The following NAV3 variants were observed in gnomAD, a reference collection of about 807,000 sequenced individuals.
NAV3 encodes neuron navigator 3.
In NAV3, 87 loss-of-function variants were observed where a neutral mutation model predicts 244.7. The ratio of observed to expected loss-of-function variants is 0.36; its 90% CI spans 0.30 to 0.42. The LOEUF is 0.42. Among genes scored for constraint, NAV3 ranks in the 20% least tolerant of loss-of-function variants. The probability of loss-of-function intolerance (pLI) is 1.00; values close to 1 mark genes in which losing one functional copy is unlikely to be tolerated. For missense variants in NAV3, 2,663 were observed against 2,893.3 expected (o/e 0.92, Z 1.83); for synonymous variants, 1,126 against 1,042.2 (o/e 1.08, Z -1.55).
intron 5 of NAV3, among the ~76,000 whole-genome samples, chr12:77,977,712 G>GTGCA (rs1555248348): frequency 3.5e-5 from 5 of 143,084 alleles, no homozygotes; most frequent in South Asian, 4.4e-4. Flanking sequence ...ACACACACGC[G>GTGCA]CACACACACA....
In NAV3 at chr12:78,122,334, C is replaced by T. The variant is rs768963322; in HGVS notation, c.4144C>T (p.His1382Tyr). ...SSESIDLPLS[H>Y]HGSLSGLTTG... ...TGAGTCCATTGACCTCCCCCTCAGC[C>T]ATCATGGCTCCTTGTCTGGACTGAC... Residue 1382 changes from histidine to tyrosine, a missense_variant, in exon 16 of 40, where the codon CAT (histidine) becomes TAT (tyrosine). By Grantham distance (83) the His-to-Tyr change is moderately conservative (BLOSUM62 2). Transcript: ENST00000397909. The T allele has an allele frequency of 2.5e-6, 4 of 1,614,136 alleles. No individual in the cohort carries two copies. The highest frequency in any genetic ancestry group is 3.3e-5 in the Admixed American group (2 of 60,036).
chr12:77,796,758 A>G (rs1871425035), intron 2 of NAV3, among the ~76,000 whole-genome samples: 1 of 152,198 alleles, frequency 6.6e-6, no homozygotes, highest in South Asian at 2.1e-4. Context: ...ATACTGAGGC[A>G]CGACTTTATA....
rs1018454973 is a variant in NAV3 at position 78,179,544 on chromosome 12, A to G, written c.5379A>G (p.Thr1793=). 1.9e-6 allele frequency: 3 copies of G among 1,613,272 alleles called. No homozygotes were observed. Among genetic ancestry groups the G allele is most frequent in the African/African-American group, 1.3e-5 (1 of 74,996 alleles). The part of the protein sequence containing the change: ...YKHRSRICEC[T]EAEAEIILQL... ...CCTTCTTCAGGATCTGTGAATGCAC[A>G]GAAGCTGAGGCAGAGATAATTCTGC... Residue 1793 remains threonine (T), a synonymous_variant, in exon 29 of 40, where the codon ACA becomes ACG. Coordinates refer to ENST00000397909, the MANE Select transcript of NAV3 (RefSeq NM_001024383.2).
chr12:77,785,981 C>A (rs1592681581), intron 2 of NAV3, among the ~76,000 whole-genome samples: 1 of 152,106 alleles, frequency 6.6e-6, no homozygotes, highest in Non-Finnish European at 1.5e-5. Flanking sequence ...TTAGCAGGAG[C>A]TGAGTGATCT....
chr12:77,998,361 T>C lies in NAV3; in HGVS notation c.765T>C (p.Pro255=). The C allele has an allele frequency of 6.3e-7, 1 of 1,598,884 alleles. No homozygotes were observed. Among genetic ancestry groups the C allele is most frequent in the Non-Finnish European group, 8.5e-7 (1 of 1,173,322 alleles). Residue 255 remains proline (P), a synonymous_variant, in exon 7 of 40, where the codon CCT becomes CCC. Transcript: ENST00000397909. The stretch of plus-strand genomic sequence containing the variant: ...GGCTTCCAGGGCCCTCTAGGGTGCC[T>C]GCTGCAGGAAGCAGCAGCAAGGTCC... ...PTRLPGPSRV[P]AAGSSSKVQG... is the part of the protein sequence containing the mutation.
chr12:78,121,363 TACAG>T (rs566671321), intron 15 of NAV3, among the ~76,000 whole-genome samples: 32 of 152,194 alleles, frequency 2.1e-4, no homozygotes, highest in African/African-American at 7.2e-4. Context: ...CTGGGGAAAA[TACAG>T]ACAAACTGAC....
At chr12:77,808,967 T>A (rs1045652663) in intron 2 of NAV3, among the ~76,000 whole-genome samples, 1 of 152,180 alleles carries the variant, frequency 6.6e-6, no homozygotes, top group African/African-American at 2.4e-5. Context: ...TGGCTTTTTT[T>A]ACACTGTGAG....
At chr12:77,585,703 G>A (rs1169257115) in intron 2 of NAV3, among the ~76,000 whole-genome samples, 1 of 152,158 alleles carries the variant, frequency 6.6e-6, no homozygotes, top group African/African-American at 2.4e-5. Context: ...TGATCGGGCA[G>A]TAATGCTCCT....
chr12:78,202,358 T>G (rs1168140424), intron 38 of NAV3, among the ~76,000 whole-genome samples: 1 of 152,104 alleles, frequency 6.6e-6, no homozygotes, highest in Non-Finnish European at 1.5e-5. Flanking sequence ...AATAAAATTC[T>G]CCTCATTTAA....
chr12:77,696,926 C>T (rs1303975888), intron 2 of NAV3, among the ~76,000 whole-genome samples: 4 of 152,138 alleles, frequency 2.6e-5, no homozygotes, highest in African/African-American at 9.7e-5. Flanking sequence ...TCTTACGCTT[C>T]TATAGCAGTA....
At chr12:77,616,981 G>T (rs1042871575) in intron 2 of NAV3, among the ~76,000 whole-genome samples, 1 of 151,974 alleles carries the variant, frequency 6.6e-6, no homozygotes, top group Admixed American at 6.6e-5. Context: ...AATAGAATTC[G>T]CTATAGCATT....
intron 2 of NAV3, among the ~76,000 whole-genome samples, chr12:77,594,155 A>G (rs1219203962): frequency 2.0e-5 from 3 of 152,298 alleles, no homozygotes; most frequent in African/African-American, 2.4e-5. Context: ...AATTATGGAT[A>G]TTATCTCACA....
intron 1 of NAV3, among the ~76,000 whole-genome samples, chr12:77,919,886 C>T (rs1272224795): frequency 6.6e-6 from 1 of 151,908 alleles, no homozygotes; most frequent in African/African-American, 2.4e-5. Flanking sequence ...GACCTTTTGT[C>T]ACTGTGGGAG....
At position 77,669,895 on chromosome 12, in the gene NAV3, T is replaced by C. The variant is rs1237227740; in HGVS notation, c.72+97629T>C. 2.6e-5 allele frequency among the ~76,000 whole-genome samples: 4 copies of C among 151,912 alleles called. No individual in the cohort carries two copies. The East Asian group carries it at 7.7e-4, about 29-fold the overall frequency. ...CTACCCAACAACTGCAGAATATACA[T>C]TCTATTCAAGAACAATCCAAACCCA... On this transcript the variant is annotated intron_variant, in intron 2 of 8. Transcript: ENST00000550042.
chr12:77,654,270 C>A (rs139040016), intron 2 of NAV3, among the ~76,000 whole-genome samples: 10 of 152,222 alleles, frequency 6.6e-5, no homozygotes, highest in African/African-American at 2.4e-4. Context: ...GCTTTTCCGA[C>A]GGGCTTAAAA....
rs146256471 is a variant in NAV3 at position 78,094,690 on chromosome 12, G to A, written c.2637-22082G>A. Among the ~76,000 whole-genome samples the A allele has an allele frequency of 2.0e-3, 308 of 151,944 alleles. 1 individual carries two copies. The highest frequency in any genetic ancestry group is 6.8e-3 in the Middle Eastern group (2 of 292). ...AACGGTGAAGATATTTTTAATTACC[G>A]GGTTATAAATCCAAAACAAATAATA... On this transcript the variant is annotated intron_variant, in intron 12 of 39. Transcript: ENST00000397909.
rs149183720 is a variant in NAV3 at position 78,065,162 on chromosome 12, C to T, written c.2636+6047C>T. ...ACCGAGATAGAGCTGGTGATGATAC[C>T]ACCTGTGCAGAGTGAAAATTCCACC... On this transcript the variant is annotated intron_variant, in intron 12 of 39. Coordinates refer to ENST00000397909, the MANE Select transcript of NAV3 (RefSeq NM_001024383.2). Among the ~76,000 whole-genome samples the T allele has an allele frequency of 2.0e-5, 3 of 151,552 alleles. No homozygotes were observed. In the East Asian group the frequency reaches 5.9e-4, roughly 30 times the overall value.
intron 18 of NAV3, among the ~76,000 whole-genome samples, chr12:78,132,201 C>G (rs1051758264): frequency 1.3e-5 from 2 of 149,470 alleles, no homozygotes; most frequent in Non-Finnish European, 3.0e-5. Context: ...ACATAGTTTT[C>G]AGAGTTAAAA....
chr12:78,148,701 A>G (rs544477758), intron 21 of NAV3, 141 bp from the exon 22 acceptor site: 11 of 661,220 alleles, frequency 1.7e-5, no homozygotes, highest in African/African-American at 1.6e-4. Context: ...GTCAGTGTTC[A>G]TATCCTTTAT....
Sources: gnomAD v4.1 joint callset for allele counts (sites outside exome capture counted in the v4.1 genomes callset) on GRCh38, gnomAD v4.1.1 for gene constraint, MANE v1.5 for transcripts, NCBI Gene and HGNC (gene_info 2026-07-23, HGNC 2026-07-21) for gene names.